Variants in SUGCT observed in about 807,000 individuals in gnomAD.
SUGCT encodes the protein succinyl-CoA:glutarate-CoA transferase.
Under a neutral mutation model 55.0 loss-of-function variants are expected in SUGCT, and 41 were observed. The observed-to-expected ratio is 0.74, with a 90% CI of 0.58 to 0.97. The LOEUF (loss-of-function observed/expected upper bound fraction) is 0.97. SUGCT is among the 50% of genes least tolerant of loss of function. The pLI is 0.00. For synonymous variants in SUGCT, 187 were observed against 200.4 expected (o/e 0.93, Z 0.56); for missense variants, 568 against 547.8 (o/e 1.04, Z -0.37).
intron 13 of SUGCT, among the ~76,000 whole-genome samples, chr7:40,778,349 TA>T (rs1362398613): frequency 6.6e-6 from 1 of 152,210 alleles, no homozygotes; most frequent in East Asian, 1.9e-4. Flanking sequence ...AACAGTGCGG[TA>T]GCCATTTCCA....
At chr7:40,194,908 G>A in intron 5 of SUGCT, 32 bp from the exon 6 acceptor site, 1 of 1,601,608 alleles carries the variant, frequency 6.2e-7, no homozygotes, top group South Asian at 1.1e-5. Flanking sequence ...TTGTTGAGTG[G>A]AAGTCTGACT....
At chr7:40,168,742 C>T (rs372257959) in intron 1 of SUGCT, among the ~76,000 whole-genome samples, 30 of 152,286 alleles carry the variant, frequency 2.0e-4, no homozygotes, top group South Asian at 6.2e-4. Flanking sequence ...CCTTCTTCGG[C>T]GGCTAGCCAT....
At chr7:41,028,306 A>G in the SUGCT span, among the ~76,000 whole-genome samples, 7 of 152,376 alleles carry the variant, frequency 4.6e-5, no homozygotes, top group South Asian at 1.4e-3. Flanking sequence ...GAAAGGCTTT[A>G]AGAAATAAAG....
chr7:40,157,012 C>CAA (rs3046489), intron 1 of SUGCT, among the ~76,000 whole-genome samples: 49,195 of 116,266 alleles, frequency 0.42, 10,249 homozygotes, highest in Middle Eastern at 0.62. Flanking sequence ...AAGACTGTCT[C>CAA]AAAAAAAAAA....
the SUGCT span, among the ~76,000 whole-genome samples, chr7:40,933,786 G>T: frequency 6.6e-6 from 1 of 152,094 alleles, no homozygotes; most frequent in African/African-American, 2.4e-5. Context: ...AGCTCCATCA[G>T]GTCATTTAAG....
At chr7:40,857,068 G>A (rs1233164813) in intron 13 of SUGCT, among the ~76,000 whole-genome samples, 2 of 152,118 alleles carry the variant, frequency 1.3e-5, no homozygotes, top group Admixed American at 6.5e-5. Flanking sequence ...TAAGAGTTCT[G>A]AAGTTCACAC....
At chr7:40,758,734 C>G (rs945987552) in intron 13 of SUGCT, among the ~76,000 whole-genome samples, 1 of 151,984 alleles carries the variant, frequency 6.6e-6, no homozygotes, top group Non-Finnish European at 1.5e-5. Flanking sequence ...AGTGTTCCTC[C>G]TTTGAGTAAG....
chr7:40,192,733 G>A (rs1785989531), intron 5 of SUGCT, among the ~76,000 whole-genome samples: 1 of 150,038 alleles, frequency 6.7e-6, no homozygotes, highest in South Asian at 2.1e-4. Context: ...CTGGGTTCAA[G>A]CAATTCTCCT....
chr7:40,139,171 TAAATAA>T (rs775508160), intron 1 of SUGCT, among the ~76,000 whole-genome samples: 2 of 149,682 alleles, frequency 1.3e-5, no homozygotes, highest in African/African-American at 2.5e-5. Context: ...AATAAATAAA[TAAATAA>T]ATCCAGGATT....
intron 7 of SUGCT, among the ~76,000 whole-genome samples, chr7:40,250,133 C>A (rs1790266496): frequency 6.6e-6 from 1 of 152,090 alleles, no homozygotes; most frequent in Non-Finnish European, 1.5e-5. Flanking sequence ...CATGGTGGCT[C>A]ATGCCTGTAA....
At chr7:40,840,394 T>TG (rs1245998862) in intron 13 of SUGCT, among the ~76,000 whole-genome samples, 1 of 149,946 alleles carries the variant, frequency 6.7e-6, no homozygotes, top group East Asian at 2.0e-4. Context: ...AATCAATAAC[T>TG]GCAAGACAAC....
Position 40,336,671 on chromosome 7 carries a change from C to T in SUGCT, c.816+19816C>T, listed in dbSNP as rs1171946145. 3.3e-5 allele frequency among the ~76,000 whole-genome samples: 5 copies of T among 152,148 alleles called. No individual in the cohort carries two copies. The East Asian group carries it at 9.7e-4, about 29-fold the overall frequency. On this transcript the variant is annotated intron_variant, in intron 9 of 13. Transcript: ENST00000335693. ...TTTATTAGTCTTGCTAGCGGTCTGT[C>T]AATTTTGTTGATCTTTTCAAAAAAC...
chr7:41,002,123 C>T, the SUGCT span, among the ~76,000 whole-genome samples: 2 of 152,100 alleles, frequency 1.3e-5, no homozygotes, highest in Non-Finnish European at 2.9e-5. Flanking sequence ...TGGATGCAAG[C>T]GATTCTCCTG....
At chr7:40,919,183 G>A in the SUGCT span, among the ~76,000 whole-genome samples, 7 of 152,082 alleles carry the variant, frequency 4.6e-5, no homozygotes, top group Non-Finnish European at 8.8e-5. Flanking sequence ...TATTTCTGTA[G>A]CCCTGACCTC....
chr7:40,511,309 T>G (rs1376160406), intron 12 of SUGCT, among the ~76,000 whole-genome samples: 1 of 152,124 alleles, frequency 6.6e-6, no homozygotes, highest in East Asian at 1.9e-4. Context: ...TAGGGACCAT[T>G]GTCCCTAAGC....
Position 40,395,515 on chromosome 7 carries a change from GA to G in SUGCT, c.817-53763del, listed in dbSNP as rs1240083037. 3.1e-3 allele frequency among the ~76,000 whole-genome samples: 356 copies of G among 115,128 alleles called. 1 individual carries two copies. The highest frequency in any genetic ancestry group is 1.0e-2 in the African/African-American group (309 of 31,024). 75.5% of individuals were successfully genotyped at this position (115,128 alleles called of 152,430 possible). A position where few individuals can be genotyped will look rare whatever the true frequency, so the allele number is the denominator to read the frequency against. ...AAAAAAAAAAAAAAAAAAAAAAAAA[GA>G]AAAAAAAATTCAATTTTGAGCCTCA... On this transcript the variant is annotated intron_variant, in intron 9 of 13. Transcript: ENST00000335693.
intron 9 of SUGCT, among the ~76,000 whole-genome samples, chr7:40,336,989 C>T (rs1466592492): frequency 2.0e-5 from 3 of 152,140 alleles, no homozygotes; most frequent in Non-Finnish European, 4.4e-5. Flanking sequence ...TTTATTTCTG[C>T]CTTCATTTAA....
chr7:40,270,895 GT>G (rs60227844), intron 7 of SUGCT, among the ~76,000 whole-genome samples: 55,860 of 151,776 alleles, frequency 0.37, 10,272 homozygotes, highest in East Asian at 0.46. Flanking sequence ...TATTTTAAGA[GT>G]ATAAGTTTGT....
chr7:40,453,213 C>A (rs1019347385), intron 10 of SUGCT, among the ~76,000 whole-genome samples: 2 of 152,146 alleles, frequency 1.3e-5, no homozygotes, highest in African/African-American at 4.8e-5. Flanking sequence ...TGAGCAGGAG[C>A]CAACTCTGAG....
Sources: allele counts gnomAD v4.1 joint callset (sites outside exome capture counted in the v4.1 genomes callset), GRCh38; gene constraint gnomAD v4.1.1; transcripts MANE v1.5; gene names NCBI Gene and HGNC (gene_info 2026-07-23, HGNC 2026-07-21).